GFRAL: variants seen among roughly 807,000 people sequenced by gnomAD.
GFRAL encodes the protein GDNF family receptor alpha-like.
A neutral mutation model predicts 45.4 loss-of-function variants in GFRAL; 36 were observed. The observed-to-expected ratio is 0.79, with a 90% CI of 0.61 to 1.05. The LOEUF (loss-of-function observed/expected upper bound fraction) is 1.05. Ranked by LOEUF, GFRAL falls within the 50% of genes least tolerant of loss-of-function variation. The probability of loss-of-function intolerance (pLI) is 0.00; values close to 1 mark genes in which losing one functional copy is unlikely to be tolerated. For synonymous variants in GFRAL, 166 were observed against 154.1 expected (o/e 1.08, Z -0.57); for missense variants, 507 against 467.5 (o/e 1.08, Z -0.78).
At chr6:55,339,118 A>G (rs1215605187) in intron 3 of GFRAL, among the ~76,000 whole-genome samples, 2 of 152,194 alleles carry the variant, frequency 1.3e-5, no homozygotes, top group Non-Finnish European at 2.9e-5. Context: ...ATTTATGAAT[A>G]ATAATCAATA....
intron 6 of GFRAL, among the ~76,000 whole-genome samples, chr6:55,372,444 A>G (rs144900512): frequency 0.013 from 2,053 of 152,290 alleles, 45 homozygotes; most frequent in African/African-American, 0.046. Context: ...CCAGAAGCTC[A>G]GTGGCTTTAC....
intron 6 of GFRAL, among the ~76,000 whole-genome samples, chr6:55,363,144 C>T (rs2127358361): frequency 6.6e-6 from 1 of 151,436 alleles, no homozygotes; most frequent in South Asian, 2.1e-4. Context: ...AAAAAAAAAG[C>T]ATGTGATACA....
intron 6 of GFRAL, among the ~76,000 whole-genome samples, chr6:55,365,245 G>A (rs1184092244): frequency 7.0e-6 from 1 of 143,518 alleles, no homozygotes; most frequent in African/African-American, 2.7e-5. Flanking sequence ...CTGTTTGTCT[G>A]TTGTTGGTGT....
chr6:55,331,464 A>T (rs1023045236), intron 1 of GFRAL, among the ~76,000 whole-genome samples: 2 of 152,120 alleles, frequency 1.3e-5, no homozygotes, highest in African/African-American at 4.8e-5. Context: ...TAGTAATAAA[A>T]ATAAATTATA....
At chr6:55,337,062 A>G (rs1767899463) in intron 3 of GFRAL, among the ~76,000 whole-genome samples, 1 of 152,078 alleles carries the variant, frequency 6.6e-6, no homozygotes, top group African/African-American at 2.4e-5. Flanking sequence ...AATTAGTGTT[A>G]ACTATAGTCT....
intron 2 of GFRAL, 26 bp from the exon 3 acceptor site, chr6:55,333,760 T>G: frequency 2.0e-6 from 3 of 1,523,132 alleles, no homozygotes; most frequent in East Asian, 2.3e-5. Context: ...GATTAATATC[T>G]ATAGTGTTAT....
At chr6:55,395,170 A>AT (rs1158401958) in intron 6 of GFRAL, among the ~76,000 whole-genome samples, 60 of 117,680 alleles carry the variant, frequency 5.1e-4, no homozygotes, top group Non-Finnish European at 9.0e-4. Flanking sequence ...TGGAAAAAAA[A>AT]AAAAAATATA....
intron 6 of GFRAL, among the ~76,000 whole-genome samples, chr6:55,376,943 C>T (rs916094472): frequency 6.6e-5 from 10 of 151,940 alleles, no homozygotes; most frequent in South Asian, 4.2e-4. Flanking sequence ...TACAAGTAGT[C>T]GGCTTTTTCA....
intron 3 of GFRAL, among the ~76,000 whole-genome samples, chr6:55,348,398 G>A (rs976601510): frequency 3.3e-5 from 5 of 152,092 alleles, no homozygotes; most frequent in African/African-American, 1.2e-4. Flanking sequence ...GTTTTGTTGT[G>A]TTGGTAACAA....
At chr6:55,366,155 T>C (rs1768359646) in intron 6 of GFRAL, among the ~76,000 whole-genome samples, 1 of 151,960 alleles carries the variant, frequency 6.6e-6, no homozygotes, top group South Asian at 2.1e-4. Context: ...AACATCTTCC[T>C]GGTTTAGTCT....
At chr6:55,377,910 A>T (rs1768556158) in intron 6 of GFRAL, among the ~76,000 whole-genome samples, 1 of 152,214 alleles carries the variant, frequency 6.6e-6, no homozygotes, top group Non-Finnish European at 1.5e-5. Flanking sequence ...CAGTAAAAAG[A>T]TGCAATACTG....
chr6:55,388,936 A>G (rs1269619829), intron 6 of GFRAL, among the ~76,000 whole-genome samples: 1 of 152,062 alleles, frequency 6.6e-6, no homozygotes, highest in East Asian at 1.9e-4. Flanking sequence ...CCCCTCACTA[A>G]TTAAGTATTT....
chr6:55,343,999 C>T (rs548532459), intron 3 of GFRAL, among the ~76,000 whole-genome samples: 3 of 152,228 alleles, frequency 2.0e-5, no homozygotes, highest in South Asian at 4.2e-4. Context: ...AAAGTTGAAT[C>T]CCTGCATAGA....
intron 8 of GFRAL, among the ~76,000 whole-genome samples, chr6:55,399,679 T>C (rs567187885): frequency 6.6e-6 from 1 of 152,256 alleles, no homozygotes; most frequent in East Asian, 1.9e-4. Flanking sequence ...CACATATGCA[T>C]TGTATGTTCC....
intron 6 of GFRAL, among the ~76,000 whole-genome samples, chr6:55,386,166 A>G (rs1166836377): frequency 6.6e-6 from 1 of 152,138 alleles, no homozygotes; most frequent in Non-Finnish European, 1.5e-5. Flanking sequence ...GGGATAAAAG[A>G]GTTTTCTCTA....
At chr6:55,348,138 T>A (rs1011722200) in intron 3 of GFRAL, among the ~76,000 whole-genome samples, 2 of 152,184 alleles carry the variant, frequency 1.3e-5, no homozygotes, top group Middle Eastern at 6.8e-3. Context: ...CACATGTAGG[T>A]CTTATTGGTG....
At chr6:55,343,410 C>G (rs9475250) in intron 3 of GFRAL, among the ~76,000 whole-genome samples, 2 of 152,094 alleles carry the variant, frequency 1.3e-5, no homozygotes, top group South Asian at 2.1e-4. Flanking sequence ...AACTGAACAA[C>G]CTGCTCGTGA....
chr6:55,355,415 A>G (rs973800053), intron 5 of GFRAL, among the ~76,000 whole-genome samples: 3 of 152,076 alleles, frequency 2.0e-5, no homozygotes, highest in Non-Finnish European at 2.9e-5. Context: ...GCATGGATGT[A>G]GCTTAATTAA....
chr6:55,381,345 C>T (rs1314517225), intron 6 of GFRAL, among the ~76,000 whole-genome samples: 3 of 151,852 alleles, frequency 2.0e-5, no homozygotes, highest in African/African-American at 4.8e-5. Context: ...CTTTTTATAG[C>T]CATACTTCTC....
Sources: allele counts gnomAD v4.1 joint callset (sites outside exome capture counted in the v4.1 genomes callset), GRCh38; gene constraint gnomAD v4.1.1; transcripts MANE v1.5; gene names NCBI Gene and HGNC (gene_info 2026-07-23, HGNC 2026-07-21).